DLGAP2: variants seen among roughly 807,000 people sequenced by gnomAD.
The protein encoded by DLGAP2 is DLG associated protein 2.
A neutral mutation model predicts 100.3 loss-of-function variants in DLGAP2; 26 were observed. The ratio of observed to expected loss-of-function variants is 0.26; its 90% confidence interval spans 0.19 to 0.36. The LOEUF (loss-of-function observed/expected upper bound fraction) is 0.36, where lower values mean the gene tolerates loss of function less well. Among genes scored for constraint, DLGAP2 ranks in the 10% least tolerant of loss-of-function variants. The pLI is 1.00. For synonymous variants in DLGAP2, 886 were observed against 630.1 expected (o/e 1.41, Z -6.08); for missense variants, 1,858 against 1,453.2 (o/e 1.28, Z -4.53).
At chr8:822,784 A>G (rs1796607911) in intron 1 of DLGAP2, among the ~76,000 whole-genome samples, 1 of 152,118 alleles carries the variant, frequency 6.6e-6, no homozygotes, top group Non-Finnish European at 1.5e-5. Context: ...CAGCCTTCGG[A>G]CAACAGCATC....
intron 2 of DLGAP2, among the ~76,000 whole-genome samples, chr8:1,163,422 G>A (rs1165600907): frequency 2.6e-5 from 4 of 152,212 alleles, no homozygotes; most frequent in Non-Finnish European, 4.4e-5. Context: ...GGCGAGGGGA[G>A]GCCTGTGTCC....
chr8:1,182,570 T>G (rs1198828661), intron 2 of DLGAP2, among the ~76,000 whole-genome samples: 2 of 152,166 alleles, frequency 1.3e-5, no homozygotes, highest in African/African-American at 4.8e-5. Flanking sequence ...GATTTAGAGT[T>G]GGCACTTGTG....
chr8:1,195,367 A>C lies in DLGAP2; in HGVS notation c.74-63484A>C, dbSNP rs150036862. On this transcript the variant is annotated intron_variant, in intron 2 of 14. Coordinates refer to ENST00000637795, the MANE Select transcript of DLGAP2 (RefSeq NM_001346810.2). ...GAGGCCTGGCCAGATGCACGCAGCCACCGACAGGTCAGAGACGGAGGATAT... is the reference window on the plus strand; with the variant it reads ...GAGGCCTGGCCAGATGCACGCAGCCCCCGACAGGTCAGAGACGGAGGATAT... Among the ~76,000 whole-genome samples the C allele has an allele frequency of 1.0e-3, 155 of 152,362 alleles. 2 individuals are homozygous for C. In the East Asian group the frequency reaches 0.029, roughly 29 times the overall value.
intron 6 of DLGAP2, among the ~76,000 whole-genome samples, chr8:1,601,708 C>T (rs1378385063): frequency 6.6e-6 from 1 of 152,142 alleles, no homozygotes; most frequent in Non-Finnish European, 1.5e-5. Flanking sequence ...TGAGACCAAG[C>T]CTGGTCTGCT....
At chr8:1,504,743 A>T (rs1276464163) in intron 4 of DLGAP2, among the ~76,000 whole-genome samples, 1 of 152,150 alleles carries the variant, frequency 6.6e-6, no homozygotes, top group Non-Finnish European at 1.5e-5. Flanking sequence ...AAGACTGAGT[A>T]GGTATTCCAC....
chr8:1,654,637 G>A (rs570052113), intron 8 of DLGAP2, among the ~76,000 whole-genome samples: 3 of 147,398 alleles, frequency 2.0e-5, no homozygotes, highest in Admixed American at 7.0e-5. Flanking sequence ...CTCCAGCCTG[G>A]GTGACAAGAG....
chr8:1,282,221 C>T (rs1266358729), intron 3 of DLGAP2, among the ~76,000 whole-genome samples: 3 of 112,626 alleles, frequency 2.7e-5, no homozygotes, highest in Admixed American at 1.1e-4. Context: ...CTGAACCCAG[C>T]CCCCTGAACC....
intron 3 of DLGAP2, among the ~76,000 whole-genome samples, chr8:1,342,370 G>A (rs538397047): frequency 2.9e-4 from 44 of 152,294 alleles, no homozygotes; most frequent in African/African-American, 8.9e-4. Flanking sequence ...TTTAATTTGT[G>A]ATGTATGGCA....
chr8:1,175,674 G>T (rs79734638), intron 2 of DLGAP2, among the ~76,000 whole-genome samples: 3,547 of 152,274 alleles, frequency 0.023, 158 homozygotes, highest in African/African-American at 0.082. Context: ...GCTTGGTTTT[G>T]TCAAACTTTT....
At chr8:1,266,199 G>A (rs1799447153) in intron 3 of DLGAP2, among the ~76,000 whole-genome samples, 1 of 152,186 alleles carries the variant, frequency 6.6e-6, no homozygotes, top group African/African-American at 2.4e-5. Context: ...CTGCGAAAGG[G>A]GGTTCTTGCC....
chr8:983,716 C>T (rs941215407), intron 2 of DLGAP2, among the ~76,000 whole-genome samples: 4 of 151,994 alleles, frequency 2.6e-5, no homozygotes, highest in Non-Finnish European at 5.9e-5. Context: ...GATCGTGGCT[C>T]ACTGTGGCTT....
chr8:1,338,322 C>T (rs1281941941), intron 3 of DLGAP2, among the ~76,000 whole-genome samples: 5 of 152,190 alleles, frequency 3.3e-5, no homozygotes, highest in Non-Finnish European at 5.9e-5. Flanking sequence ...AAAGTGCAGG[C>T]CACACGTATG....
intron 1 of DLGAP2, among the ~76,000 whole-genome samples, chr8:906,676 C>A (rs974911981): frequency 2.0e-5 from 3 of 152,292 alleles, no homozygotes; most frequent in Admixed American, 6.5e-5. Flanking sequence ...CAGCACCTGA[C>A]CCCATGGTTA....
rs753099702 is a variant in DLGAP2, at chr8:1,319,500, G to A, written c.106+60617G>A. 2.9e-4 allele frequency among the ~76,000 whole-genome samples: 44 copies of A among 152,282 alleles called. 1 individual carries two copies. Among genetic ancestry groups the A allele is most frequent in the Admixed American group, 1.8e-3 (27 of 15,306 alleles). On this transcript the variant is annotated intron_variant, in intron 3 of 14. Transcript: ENST00000637795. The stretch of plus-strand genomic sequence containing the variant: ...TGGAGTGGGTGTGGAGGCAGCTGAC[G>A]TGGAGCCAACAGAGTGTTCATTATG...
intron 2 of DLGAP2, among the ~76,000 whole-genome samples, chr8:1,181,252 T>C (rs1797380960): frequency 6.6e-6 from 1 of 151,512 alleles, no homozygotes; most frequent in African/African-American, 2.4e-5. Context: ...ACACTTACTG[T>C]CGAGTGTGGG....
intron 1 of DLGAP2, among the ~76,000 whole-genome samples, chr8:868,741 C>T (rs1797543383): frequency 1.3e-5 from 2 of 152,172 alleles, no homozygotes. Context: ...CCTTGGAGTC[C>T]TCTTGCACAA....
rs73672906 is a variant in DLGAP2 at position 1,653,331 on chromosome 8, C to T, written c.1811-14998C>T. On this transcript the variant is annotated intron_variant, in intron 8 of 14. Coordinates refer to ENST00000637795, the MANE Select transcript of DLGAP2 (RefSeq NM_001346810.2). ...GGTAGGGAGCCGACAATCCTCACCC[C>T]GCTCACGGGGAGGCTGCAGGTGCCT... Among the ~76,000 whole-genome samples the T allele has an allele frequency of 4.3e-3, 650 of 152,334 alleles. 4 individuals are homozygous for T. Among genetic ancestry groups the T allele is most frequent in the African/African-American group, 0.015 (624 of 41,588 alleles).
At chr8:813,017 A>G (rs759879127) in intron 1 of DLGAP2, among the ~76,000 whole-genome samples, 5 of 152,238 alleles carry the variant, frequency 3.3e-5, no homozygotes, top group African/African-American at 7.2e-5. Context: ...ACAAAACGTG[A>G]TAATAGAACA....
chr8:1,054,499 A>C (rs961913019), intron 2 of DLGAP2, among the ~76,000 whole-genome samples: 2 of 152,214 alleles, frequency 1.3e-5, no homozygotes, highest in African/African-American at 4.8e-5. Context: ...CTGTCATTAA[A>C]GTAGTCTAAC....
Sources: allele counts gnomAD v4.1 joint callset (sites outside exome capture counted in the v4.1 genomes callset), GRCh38; gene constraint gnomAD v4.1.1; transcripts MANE v1.5; gene names NCBI Gene and HGNC (gene_info 2026-07-23, HGNC 2026-07-21).